Variants in SCARA3 observed in about 807,000 individuals in gnomAD.
SCARA3 encodes the protein scavenger receptor class A member 3, also known as cellular stress response gene protein.
Under a neutral mutation model 47.0 loss-of-function variants are expected in SCARA3, and 39 were observed. That is an observed-to-expected ratio of 0.83 (90% CI 0.64 to 1.08). The LOEUF (loss-of-function observed/expected upper bound fraction) is 1.08. SCARA3 is among the 50% of genes least tolerant of loss of function. The probability of loss-of-function intolerance (pLI) is 0.00; values close to 1 mark genes in which losing one functional copy is unlikely to be tolerated. For missense variants in SCARA3, 724 were observed against 792.3 expected (o/e 0.91, Z 1.04); for synonymous variants, 356 against 334.1 (o/e 1.07, Z -0.71).
At position 27,634,147 on chromosome 8, in the gene SCARA3, T is replaced by C. The variant is rs938773560; in HGVS notation, c.-54T>C. ...GGATCCGCCGGCCGCCCGGCTCCAC[T>C]ACAGCTCCAGCCGCCTGCAGCGGGG... On this transcript the variant is annotated 5_prime_UTR_variant, in exon 1 of 6. Coordinates refer to ENST00000301904, the MANE Select transcript of SCARA3 (RefSeq NM_016240.3). The C allele has an allele frequency of 4.1e-6, 6 of 1,455,826 alleles. No homozygotes were observed. The African/African-American group carries it at 7.3e-5, about 18-fold the overall frequency. 90.2% of individuals were successfully genotyped at this position (1,455,826 alleles called of 1,614,324 possible).
At chr8:27,715,824 T>TAGATA in the SCARA3 span, among the ~76,000 whole-genome samples, 36 of 118,960 alleles carry the variant, frequency 3.0e-4, no homozygotes, top group East Asian at 8.9e-3. This position sits in a 1 kb window ranked among gnomAD's most constrained non-coding sequence, Gnocchi z 4.2. Context: ...GATAGATAGA[T>TAGATA]GATAGATAGA....
intron 3 of SCARA3, among the ~76,000 whole-genome samples, chr8:27,654,332 G>A (rs1801696905): frequency 1.3e-5 from 2 of 152,290 alleles, no homozygotes; most frequent in South Asian, 2.1e-4. Context: ...TATAAGTGAT[G>A]TATATGTACT....
rs35620554 is a variant in SCARA3, at chr8:27,638,725, C to G, written c.7+4518C>G. On this transcript the variant is annotated intron_variant, in intron 1 of 5. Coordinates refer to ENST00000301904, the MANE Select transcript of SCARA3 (RefSeq NM_016240.3). ...GAAGCTACAAAGAGCTCAGATGCTGCCCTTTCTCTCAGGGAGCTTACTCTT... is the reference window on the plus strand; with the variant it reads ...GAAGCTACAAAGAGCTCAGATGCTGGCCTTTCTCTCAGGGAGCTTACTCTT... Among the ~76,000 whole-genome samples, 306 of 152,282 alleles carry G rather than the reference C, an allele frequency of 2.0e-3. 6 individuals are homozygous for G. In the East Asian group the frequency reaches 0.024, roughly 12 times the overall value.
At chr8:27,704,210 C>A in the SCARA3 span, among the ~76,000 whole-genome samples, 1 of 152,090 alleles carries the variant, frequency 6.6e-6, no homozygotes, top group African/African-American at 2.4e-5. Flanking sequence ...CTTTGAGAGG[C>A]AGAGGCAGGA....
chr8:27,705,754 G>T, the SCARA3 span, among the ~76,000 whole-genome samples: 3 of 152,180 alleles, frequency 2.0e-5, no homozygotes, highest in South Asian at 2.1e-4. Context: ...AAGCAAAAAG[G>T]TTCTTCTAAA....
rs570335441 is a variant in SCARA3 at position 27,656,021 on chromosome 8, A to T, written c.227-761A>T. On this transcript the variant is annotated intron_variant, in intron 3 of 5. Coordinates refer to ENST00000301904, the MANE Select transcript of SCARA3 (RefSeq NM_016240.3). The stretch of plus-strand genomic sequence containing the variant: ...TCATGGCTTGATGATCCCCCTTCTG[A>T]CATATGGTCAAGGTCAGTAGTAGCC... Among the ~76,000 whole-genome samples, 3 of 152,300 alleles carry T rather than the reference A, an allele frequency of 2.0e-5. No individual in the cohort carries two copies. The South Asian group carries it at 6.2e-4, about 32-fold the overall frequency.
the SCARA3 span, among the ~76,000 whole-genome samples, chr8:27,694,445 G>C: frequency 6.6e-6 from 1 of 152,114 alleles, no homozygotes; most frequent in African/African-American, 2.4e-5. Flanking sequence ...CAGAGATATA[G>C]AGATACATAT....
In SCARA3 at chr8:27,644,621, GGAGAGA is replaced by G. The variant is rs71553870; in HGVS notation, c.8-5060_8-5055del. On this transcript the variant is annotated intron_variant, in intron 1 of 5. Coordinates refer to ENST00000301904, the MANE Select transcript of SCARA3 (RefSeq NM_016240.3). ...AATCCACAAAATGAAGAAAAGAAGGGGAGAGAGAGAGAGAGAGAGAGAGAGAAGAGA... is the reference window on the plus strand; with the variant it reads ...AATCCACAAAATGAAGAAAAGAAGGGGAGAGAGAGAGAGAGAGAGAAGAGA... Among the ~76,000 whole-genome samples the G allele has an allele frequency of 4.7e-3, 689 of 147,266 alleles. 3 individuals are homozygous for G. Among genetic ancestry groups the G allele is most frequent in the African/African-American group, 0.015 (612 of 40,110 alleles).
the SCARA3 span, among the ~76,000 whole-genome samples, chr8:27,686,484 T>C: frequency 2.0e-5 from 3 of 152,060 alleles, no homozygotes; most frequent in South Asian, 6.2e-4. Context: ...ATGTAAACTT[T>C]AAAGACAAAA....
chr8:27,660,206 T>TGAGA (rs10579288), intron 5 of SCARA3, among the ~76,000 whole-genome samples: 1 of 149,810 alleles, frequency 6.7e-6, no homozygotes, highest in Non-Finnish European at 1.5e-5. Flanking sequence ...CAATAGTGTA[T>TGAGA]GAGAGAGAGA....
the SCARA3 span, among the ~76,000 whole-genome samples, chr8:27,715,374 C>T: frequency 7.2e-5 from 11 of 152,250 alleles, no homozygotes; most frequent in African/African-American, 2.2e-4. This position sits in a 1 kb window ranked among gnomAD's most constrained non-coding sequence, Gnocchi z 4.2. Flanking sequence ...CTGCCACTTC[C>T]CATCCTATGA....
intron 1 of SCARA3, among the ~76,000 whole-genome samples, chr8:27,649,108 A>G (rs1233114395): frequency 6.6e-6 from 1 of 152,226 alleles, no homozygotes; most frequent in Non-Finnish European, 1.5e-5. Context: ...ATATTGTCCC[A>G]GAGAATAAGC....
chr8:27,721,629 A>T, the SCARA3 span, among the ~76,000 whole-genome samples: 1,780 of 152,282 alleles, frequency 0.012, 32 homozygotes, highest in African/African-American at 0.039. Context: ...GGTGAGACTG[A>T]GGTGGAATGG....
intron 5 of SCARA3, among the ~76,000 whole-genome samples, chr8:27,664,940 C>T (rs1233409485): frequency 6.6e-6 from 1 of 152,232 alleles, no homozygotes; most frequent in East Asian, 1.9e-4. Flanking sequence ...TGTAAAATCT[C>T]TCACAATTGA....
chr8:27,649,290 T>G (rs508782), intron 1 of SCARA3, among the ~76,000 whole-genome samples: 27,992 of 152,164 alleles, frequency 0.18, 3,161 homozygotes, highest in Middle Eastern at 0.33. Flanking sequence ...GACTATGCTG[T>G]GGCCAGATTC....
At position 27,658,579 on chromosome 8, in the gene SCARA3, G is replaced by T. The variant is rs768790085; in HGVS notation, c.409G>T (p.Glu137Ter). The T allele has an allele frequency of 6.2e-7, 1 of 1,614,100 alleles. No individual in the cohort carries two copies. Among genetic ancestry groups the T allele is most frequent in the African/African-American group, 1.3e-5 (1 of 74,928 alleles). ...PEIRKLQEELEGIQKLLLAQE... is the reference protein window; with the variant it reads ...PEIRKLQEEL ...GATCCGAAAACTGCAGGAGGAGCTGGAGGGAATTCAGAAGCTGCTTCTGGC... is the reference window on the plus strand; with the variant it reads ...GATCCGAAAACTGCAGGAGGAGCTGTAGGGAATTCAGAAGCTGCTTCTGGC... The change falls in exon 5 of 6, where the codon GAG becomes TAG. Residue 137 changes from glutamate (E) to a stop codon, truncating the protein, a stop_gained. Coordinates refer to ENST00000301904, the MANE Select transcript of SCARA3 (RefSeq NM_016240.3). LOFTEE classifies it high-confidence loss of function.
chr8:27,650,809 G>A (rs1465841163), intron 2 of SCARA3, among the ~76,000 whole-genome samples: 1 of 152,194 alleles, frequency 6.6e-6, no homozygotes. Flanking sequence ...CTGGTTCCCT[G>A]AAAAGTTTGG....
chr8:27,698,673 A>G, the SCARA3 span, among the ~76,000 whole-genome samples: 29 of 152,356 alleles, frequency 1.9e-4, no homozygotes, highest in African/African-American at 7.0e-4. Context: ...ATCATAATAT[A>G]GAAGGCCAAT....
At chr8:27,721,732 A>G in the SCARA3 span, among the ~76,000 whole-genome samples, 1 of 152,160 alleles carries the variant, frequency 6.6e-6, no homozygotes, top group East Asian at 1.9e-4. Flanking sequence ...TTTACAAATG[A>G]CCATGATTCC....
Sources: allele counts gnomAD v4.1 joint callset (sites outside exome capture counted in the v4.1 genomes callset), GRCh38; gene constraint gnomAD v4.1.1; non-coding constraint Gnocchi (gnomAD v3.1); transcripts MANE v1.5; gene names NCBI Gene and HGNC (gene_info 2026-07-23, HGNC 2026-07-21).